COL14A1: variants seen among roughly 807,000 people sequenced by gnomAD.
COL14A1 encodes the protein collagen alpha-1(XIV) chain.
A neutral mutation model predicts 230.3 loss-of-function variants in COL14A1; 136 were observed. That is an observed-to-expected ratio of 0.59 (90% CI 0.51 to 0.68). The LOEUF (loss-of-function observed/expected upper bound fraction) is 0.68. Among genes scored for constraint, COL14A1 ranks in the 30% least tolerant of loss-of-function variants. COL14A1 has a pLI of 0.00. For missense variants in COL14A1, 1,976 were observed against 2,215.8 expected, an observed-to-expected ratio of 0.89 and a Z score of 2.17; for synonymous variants, 792 against 784.1, an observed-to-expected ratio of 1.01 and a Z score of -0.17.
rs1484773984 is a variant in COL14A1, at chr8:120,373,096, A to T, written c.*1865A>T. Among the ~76,000 whole-genome samples, 2 of 152,170 alleles carry T rather than the reference A, an allele frequency of 1.3e-5. No individual in the cohort carries two copies. The highest frequency in any genetic ancestry group is 2.9e-5 in the Non-Finnish European group (2 of 68,030). On this transcript the variant is annotated 3_prime_UTR_variant, in exon 48 of 48. Coordinates refer to ENST00000297848, the MANE Select transcript of COL14A1 (RefSeq NM_021110.4). ...TGTGTCTCAGATTTCCTAGTCCATG[A>T]CATTTAATAGTGAGTATAGAGTAGG...
chr8:120,246,259 C>A (rs959673302), intron 20 of COL14A1, among the ~76,000 whole-genome samples: 3 of 152,128 alleles, frequency 2.0e-5, no homozygotes, highest in African/African-American at 7.2e-5. Flanking sequence ...CAGACTCCCA[C>A]CAAGCCTGCA....
rs62527021 is a variant in COL14A1, at chr8:120,237,171, G to A, written c.2349+5553G>A. On this transcript the variant is annotated intron_variant, in intron 19 of 47. Coordinates refer to ENST00000297848, the MANE Select transcript of COL14A1 (RefSeq NM_021110.4). ...ATGTTGGCCTGTCTTGCTAGGTTGGGGAAGTTCTCCTGGATAATATCCTGA... is the reference window on the plus strand; with the variant it reads ...ATGTTGGCCTGTCTTGCTAGGTTGGAGAAGTTCTCCTGGATAATATCCTGA... 2.0e-3 allele frequency among the ~76,000 whole-genome samples: 311 copies of A among 152,212 alleles called. 1 individual carries two copies. The highest frequency in any genetic ancestry group is 3.4e-3 in the Non-Finnish European group (230 of 68,024).
At chr8:120,267,514 A>G (rs996566362) in intron 25 of COL14A1, among the ~76,000 whole-genome samples, 3 of 151,968 alleles carry the variant, frequency 2.0e-5, no homozygotes, top group Non-Finnish European at 4.4e-5. Flanking sequence ...GAGTTATAAA[A>G]TAGCAGTTGT....
At chr8:120,269,467 G>A (rs1283495273) in intron 25 of COL14A1, among the ~76,000 whole-genome samples, 1 of 151,662 alleles carries the variant, frequency 6.6e-6, no homozygotes, top group East Asian at 1.9e-4. Flanking sequence ...GGCTATAGAA[G>A]GACAGAGACA....
intron 45 of COL14A1, among the ~76,000 whole-genome samples, chr8:120,348,840 G>A (rs544645446): frequency 6.6e-6 from 1 of 152,268 alleles, no homozygotes; most frequent in East Asian, 1.9e-4. Flanking sequence ...TTATGCATAT[G>A]CATGCATGCA....
chr8:120,306,690 G>T (rs1226223609), intron 36 of COL14A1, among the ~76,000 whole-genome samples: 1 of 152,116 alleles, frequency 6.6e-6, no homozygotes, highest in African/African-American at 2.4e-5. Context: ...CTTGTGATAT[G>T]CCCAGTGACA....
intron 25 of COL14A1, 32 bp from the exon 26 acceptor site, chr8:120,270,003 T>C (rs1819610867): frequency 1.2e-6 from 2 of 1,609,268 alleles, no homozygotes; most frequent in Non-Finnish European, 1.7e-6. Flanking sequence ...TTTCCCCTTA[T>C]CTCTGACTCA....
At chr8:120,157,432 A>G (rs1339379242) in intron 2 of COL14A1, among the ~76,000 whole-genome samples, 1 of 152,236 alleles carries the variant, frequency 6.6e-6, no homozygotes, top group African/African-American at 2.4e-5. Flanking sequence ...GACAAACAAC[A>G]GGTCTCAGTA....
intron 14 of COL14A1, 111 bp downstream of exon 14, chr8:120,216,601 A>C: frequency 9.2e-7 from 1 of 1,091,172 alleles, no homozygotes; most frequent in Non-Finnish European, 1.3e-6. Context: ...GTAATTATTT[A>C]TTGTCTCGCA....
intron 26 of COL14A1, among the ~76,000 whole-genome samples, chr8:120,271,278 G>A (rs964859598): frequency 6.6e-6 from 1 of 151,452 alleles, no homozygotes. Context: ...CAGGTAACAT[G>A]CTGAATATCT....
chr8:120,364,188 A>G (rs547796909), intron 45 of COL14A1, among the ~76,000 whole-genome samples: 6 of 152,216 alleles, frequency 3.9e-5, no homozygotes, highest in Non-Finnish European at 7.4e-5. Context: ...GGTTCTGTGC[A>G]AAAGAGATCT....
chr8:120,367,956 A>C (rs1412648750), intron 46 of COL14A1, among the ~76,000 whole-genome samples: 1 of 151,868 alleles, frequency 6.6e-6, no homozygotes, highest in African/African-American at 2.4e-5. Flanking sequence ...AAAAAAAAAA[A>C]GAAGGCACAC....
At chr8:120,204,663 T>C (rs1203588340) in intron 9 of COL14A1, among the ~76,000 whole-genome samples, 1 of 152,208 alleles carries the variant, frequency 6.6e-6, no homozygotes, top group Non-Finnish European at 1.5e-5. Context: ...CAAACATAAG[T>C]TTTCATTTCT....
At chr8:120,139,827 C>A (rs987805120) in intron 1 of COL14A1, among the ~76,000 whole-genome samples, 13 of 151,968 alleles carry the variant, frequency 8.6e-5, no homozygotes, top group Middle Eastern at 3.4e-3. Flanking sequence ...AGTTCAAGAC[C>A]AGCCTAGGCA....
At chr8:120,166,886 G>GTA (rs1456488674) in intron 4 of COL14A1, among the ~76,000 whole-genome samples, 1 of 142,126 alleles carries the variant, frequency 7.0e-6, no homozygotes, top group Non-Finnish European at 1.5e-5. Flanking sequence ...GTGTGTGTGT[G>GTA]TGTGTGTGTG....
chr8:120,168,466 A>G (rs548879242), intron 5 of COL14A1, among the ~76,000 whole-genome samples: 2 of 152,232 alleles, frequency 1.3e-5, no homozygotes, highest in African/African-American at 4.8e-5. Flanking sequence ...TGGTGCATAT[A>G]TGTACAGCCT....
intron 42 of COL14A1, among the ~76,000 whole-genome samples, chr8:120,335,721 G>A (rs1030389223): frequency 3.3e-5 from 5 of 152,158 alleles, no homozygotes; most frequent in East Asian, 3.8e-4. Flanking sequence ...TTCAGCTGCC[G>A]GCTCCCTAGG....
At chr8:120,337,353 A>G (rs1377682379) in intron 42 of COL14A1, among the ~76,000 whole-genome samples, 3 of 150,578 alleles carry the variant, frequency 2.0e-5, no homozygotes, top group Non-Finnish European at 4.4e-5. Context: ...CCGAGATCAT[A>G]CCACTGCACT....
chr8:120,270,123 T>G lies in COL14A1; in HGVS notation c.3162T>G (p.Phe1054Leu). 1 of 1,611,676 alleles carries G rather than the reference T, an allele frequency of 6.2e-7. No homozygotes were observed. Among genetic ancestry groups the G allele is most frequent in the Non-Finnish European group, 8.5e-7 (1 of 1,178,444 alleles). Residue 1054 changes from phenylalanine (F) to leucine (L), a missense_variant, in exon 26 of 48, where the codon TTT becomes TTG. Phe to Leu is a conservative substitution (Grantham distance 22). Around this residue, in one of 3 missense-constraint regions of COL14A1, gnomAD observed 1,791 missense variants for 2,019.5 expected, o/e 0.89. Coordinates refer to ENST00000297848, the MANE Select transcript of COL14A1 (RefSeq NM_021110.4). ...GDENFNKIIS[F>L]LYSTVGALNK... is the part of the protein sequence containing the mutation. Reference sequence around the variant, plus strand: ...AAAATTTCAATAAGATCATCAGCTTTCTATACAGCACTGTTGGAGCCCTGA... The same window carrying G: ...AAAATTTCAATAAGATCATCAGCTTGCTATACAGCACTGTTGGAGCCCTGA...
Sources: allele counts gnomAD v4.1 joint callset (sites outside exome capture counted in the v4.1 genomes callset), GRCh38; gene constraint gnomAD v4.1.1; regional missense constraint gnomAD v4.1.1; transcripts MANE v1.5; gene names NCBI Gene and HGNC (gene_info 2026-07-23, HGNC 2026-07-21).